The following AKAP6 variants were observed in gnomAD, a reference collection of about 807,000 sequenced individuals.
The protein encoded by AKAP6 is A-kinase anchoring protein 6, also known as A-kinase anchor protein 6.
Under a neutral mutation model 188.5 loss-of-function variants are expected in AKAP6, and 58 were observed. That is an observed-to-expected ratio of 0.31 (90% confidence interval 0.25 to 0.38). The LOEUF is 0.38. Ranked by LOEUF, AKAP6 falls within the 10% of genes least tolerant of loss-of-function variation. The pLI is 1.00. For missense variants in AKAP6, 2,710 were observed against 2,740.0 expected, an observed-to-expected ratio of 0.99 and a Z score of 0.24; for synonymous variants, 989 against 998.6, an observed-to-expected ratio of 0.99 and a Z score of 0.18.
At chr14:32,760,234 C>A (rs1369572500) in intron 11 of AKAP6, among the ~76,000 whole-genome samples, 1 of 152,086 alleles carries the variant, frequency 6.6e-6, no homozygotes, top group Non-Finnish European at 1.5e-5. Flanking sequence ...AAGATGAGAA[C>A]CAACTTATAT....
At chr14:32,606,100 C>A (rs1277943212) in intron 7 of AKAP6, among the ~76,000 whole-genome samples, 2 of 152,044 alleles carry the variant, frequency 1.3e-5, no homozygotes, top group Non-Finnish European at 2.9e-5. Context: ...ACTGTGAGAT[C>A]TTTTATACAT....
At chr14:32,381,451 G>A (rs1416032342) in intron 1 of AKAP6, among the ~76,000 whole-genome samples, 2 of 152,186 alleles carry the variant, frequency 1.3e-5, no homozygotes, top group Non-Finnish European at 1.5e-5. Context: ...GGTAGTGGTA[G>A]AGATAGAAAA....
In AKAP6 at chr14:32,835,750, A is replaced by G. The variant is rs2034868361; in HGVS notation, c.*5945A>G. ...ATTAAAAAGAAGATGTTCAAAAAGA[A>G]TAGTCCTTCTTTTCTTTCTTAAATT... On this transcript the variant is annotated 3_prime_UTR_variant, in exon 14 of 14. Transcript: ENST00000280979. 1 of 130,730 alleles carries G rather than the reference A, an allele frequency of 7.6e-6. No individual in the cohort carries two copies. The highest frequency in any genetic ancestry group is 1.8e-5 in the Non-Finnish European group (1 of 54,958). The allele number at this position is 130,730 out of a possible 1,614,324, so 8.1% of individuals were successfully genotyped here. A position where few individuals can be genotyped will look rare whatever the true frequency, so the allele number is the denominator to read the frequency against.
intron 2 of AKAP6, among the ~76,000 whole-genome samples, chr14:32,487,170 C>G (rs117265949): frequency 0.017 from 2,586 of 152,314 alleles, 30 homozygotes; most frequent in Non-Finnish European, 0.025. Context: ...ATAAAGCTGA[C>G]TTGATCATGG....
intron 12 of AKAP6, among the ~76,000 whole-genome samples, chr14:32,791,215 C>G (rs1261348776): frequency 1.3e-5 from 2 of 152,164 alleles, no homozygotes. Context: ...AATGGTTGAA[C>G]TAATTTACAC....
intron 2 of AKAP6, among the ~76,000 whole-genome samples, chr14:32,502,783 A>C (rs997008499): frequency 6.6e-6 from 1 of 152,100 alleles, no homozygotes; most frequent in African/African-American, 2.4e-5. Context: ...AAGTCTTCTT[A>C]TTATCCTCAT....
rs537830236 is a variant in AKAP6, at chr14:32,519,620, G to A, written c.325-15934G>A. Among the ~76,000 whole-genome samples the A allele has an allele frequency of 1.2e-4, 19 of 152,250 alleles. No individual in the cohort carries two copies. In the South Asian group the frequency reaches 3.7e-3, roughly 30 times the overall value. Reference sequence around the variant, plus strand: ...AAGAAGGCCATTACATAGTGGTAAAGGGATCAATTCAACAGGAAGAGCTAA... The same window carrying A: ...AAGAAGGCCATTACATAGTGGTAAAAGGATCAATTCAACAGGAAGAGCTAA... On this transcript the variant is annotated intron_variant, in intron 2 of 13. Transcript: ENST00000280979.
At chr14:32,453,598 T>TGAGA (rs1891012758) in intron 2 of AKAP6, among the ~76,000 whole-genome samples, 1 of 33,780 alleles carries the variant, frequency 3.0e-5, no homozygotes, top group African/African-American at 1.5e-4. Flanking sequence ...TTTTTTTTTT[T>TGAGA]TTTTTTTTTT....
In AKAP6 at chr14:32,746,947, T is replaced by C. The variant is rs551282727; in HGVS notation, c.3372+11065T>C. 8.0e-4 allele frequency among the ~76,000 whole-genome samples: 122 copies of C among 152,338 alleles called. 1 individual carries two copies. The highest frequency in any genetic ancestry group is 2.6e-3 in the African/African-American group (110 of 41,582). On this transcript the variant is annotated intron_variant, in intron 11 of 13. Coordinates refer to ENST00000280979, the MANE Select transcript of AKAP6 (RefSeq NM_004274.5). ...ATAGAACAGGGCCTTTAAAAGGATT[T>C]CAAATTAACAATAAAATGTGCACCA...
At chr14:32,685,033 A>T (rs1889847999) in intron 8 of AKAP6, among the ~76,000 whole-genome samples, 1 of 151,920 alleles carries the variant, frequency 6.6e-6, no homozygotes, top group Non-Finnish European at 1.5e-5. Flanking sequence ...AAGCAAGAGG[A>T]TCATTTGAGC....
intron 8 of AKAP6, among the ~76,000 whole-genome samples, chr14:32,679,730 A>T (rs910105025): frequency 3.9e-5 from 6 of 152,200 alleles, no homozygotes; most frequent in Non-Finnish European, 7.4e-5. Flanking sequence ...GGGAGTTTTC[A>T]AGTTTTCACA....
At chr14:32,744,571 C>T (rs368870177) in intron 11 of AKAP6, among the ~76,000 whole-genome samples, 8 of 152,282 alleles carry the variant, frequency 5.3e-5, no homozygotes, top group African/African-American at 1.7e-4. Context: ...CCTCCTTGGC[C>T]TCCCCAAAGT....
chr14:32,777,416 A>G (rs1241125553), intron 12 of AKAP6, among the ~76,000 whole-genome samples: 1 of 152,220 alleles, frequency 6.6e-6, no homozygotes, highest in Non-Finnish European at 1.5e-5. Context: ...CAAAAACATT[A>G]AAAGTTATTA....
At chr14:32,522,266 A>C (rs1032217578) in intron 2 of AKAP6, among the ~76,000 whole-genome samples, 6 of 152,258 alleles carry the variant, frequency 3.9e-5, no homozygotes, top group African/African-American at 1.4e-4. Flanking sequence ...ACCATTCAGG[A>C]CATAGGCATG....
In AKAP6 at chr14:32,588,285, C is replaced by G. The variant is rs139597117; in HGVS notation, c.2469+11043C>G. Among the ~76,000 whole-genome samples, 11 of 152,278 alleles carry G rather than the reference C, an allele frequency of 7.2e-5. No individual in the cohort carries two copies. In the East Asian group the frequency reaches 2.1e-3, roughly 29 times the overall value. On this transcript the variant is annotated intron_variant, in intron 5 of 13. Coordinates refer to ENST00000280979, the MANE Select transcript of AKAP6 (RefSeq NM_004274.5). Reference sequence around the variant, plus strand: ...AGATCTATTGCACATTTTAGCAGCTCCTTAATATTTTATTGTGTGGATATG... The same window carrying G: ...AGATCTATTGCACATTTTAGCAGCTGCTTAATATTTTATTGTGTGGATATG...
intron 2 of AKAP6, among the ~76,000 whole-genome samples, chr14:32,494,631 C>T (rs2145586): frequency 0.67 from 101,223 of 151,942 alleles, 35,236 homozygotes; most frequent in East Asian, 0.91. Flanking sequence ...AGTTTACTTT[C>T]ACTGGGACTT....
chr14:32,648,001 G>T (rs1888054719), intron 7 of AKAP6, among the ~76,000 whole-genome samples: 1 of 152,064 alleles, frequency 6.6e-6, no homozygotes, highest in African/African-American at 2.4e-5. Flanking sequence ...CCAAAATAGG[G>T]CTTTATCAAG....
intron 1 of AKAP6, among the ~76,000 whole-genome samples, chr14:32,373,109 G>T (rs933839729): frequency 6.6e-6 from 1 of 151,326 alleles, no homozygotes; most frequent in Non-Finnish European, 1.5e-5. Flanking sequence ...GGGGGGTGGG[G>T]TATAAGTGTA....
chr14:32,788,890 G>T (rs1171110538), intron 12 of AKAP6, among the ~76,000 whole-genome samples: 2 of 152,150 alleles, frequency 1.3e-5, no homozygotes, highest in African/African-American at 2.4e-5. Context: ...CCACTTCCAC[G>T]GCACCTCACA....
Sources: allele counts gnomAD v4.1 joint callset (sites outside exome capture counted in the v4.1 genomes callset), GRCh38; gene constraint gnomAD v4.1.1; transcripts MANE v1.5; gene names NCBI Gene and HGNC (gene_info 2026-07-23, HGNC 2026-07-21).